TSGA10: variants seen among roughly 807,000 people sequenced by gnomAD.
TSGA10 encodes the protein testis specific 10, also known as testis-specific gene 10 protein.
TSGA10 carries 43 observed loss-of-function variants against 96.6 expected under a neutral mutation model. The ratio of observed to expected loss-of-function variants is 0.44; its 90% CI spans 0.35 to 0.57. The LOEUF is 0.57. TSGA10 is among the 20% of genes least tolerant of loss of function. The probability of loss-of-function intolerance (pLI) is 0.01; values close to 1 mark genes in which losing one functional copy is unlikely to be tolerated. For synonymous variants in TSGA10, 229 were observed against 269.9 expected (o/e 0.85, Z 1.48); for missense variants, 703 against 834.4 (o/e 0.84, Z 1.94).
chr2:99,035,813 G>C (rs886990219), intron 16 of TSGA10, among the ~76,000 whole-genome samples: 1 of 151,850 alleles, frequency 6.6e-6, no homozygotes, highest in African/African-American at 2.4e-5. Flanking sequence ...TATTGTTGTT[G>C]TTAAAAACAA....
At chr2:99,068,342 T>C (rs1355753392) in intron 15 of TSGA10, among the ~76,000 whole-genome samples, 6 of 152,216 alleles carry the variant, frequency 3.9e-5, no homozygotes, top group South Asian at 2.1e-4. Context: ...TTTTACCTAA[T>C]AGACATATCT....
intron 2 of TSGA10, among the ~76,000 whole-genome samples, chr2:99,122,953 A>T (rs572742978): frequency 6.6e-6 from 1 of 152,302 alleles, no homozygotes; most frequent in South Asian, 2.1e-4. Context: ...CTGCTGGCAC[A>T]AATTATCTTA....
chr2:99,060,288 T>C (rs2084536678), intron 16 of TSGA10, among the ~76,000 whole-genome samples: 1 of 152,080 alleles, frequency 6.6e-6, no homozygotes, highest in Non-Finnish European at 1.5e-5. Flanking sequence ...AATTCAAGAA[T>C]AAAATATCAT....
chr2:99,000,228 C>T (rs549863205), intron 20 of TSGA10, among the ~76,000 whole-genome samples: 7 of 152,074 alleles, frequency 4.6e-5, no homozygotes, highest in African/African-American at 1.7e-4. Flanking sequence ...AAAAACTAGG[C>T]CAGGTGTGGT....
At chr2:99,054,435 G>T (rs1421096426) in intron 16 of TSGA10, among the ~76,000 whole-genome samples, 1 of 152,120 alleles carries the variant, frequency 6.6e-6, no homozygotes, top group Non-Finnish European at 1.5e-5. Flanking sequence ...GAGAGGAAAT[G>T]CTTCTTGACA....
chr2:99,004,401 C>G (rs1476701603), intron 20 of TSGA10, among the ~76,000 whole-genome samples: 1 of 151,574 alleles, frequency 6.6e-6, no homozygotes, highest in Non-Finnish European at 1.5e-5. Context: ...CCTTCTGAAA[C>G]TATTCCAATC....
At chr2:99,103,756 A>AACTAG (rs1397411606) in intron 10 of TSGA10, among the ~76,000 whole-genome samples, 2 of 152,230 alleles carry the variant, frequency 1.3e-5, no homozygotes. Context: ...TAAGATTACT[A>AACTAG]GAAGTGTGAT....
At chr2:99,108,135 TATA>T (rs1171409805) in intron 7 of TSGA10, among the ~76,000 whole-genome samples, 9 of 152,156 alleles carry the variant, frequency 5.9e-5, no homozygotes, top group African/African-American at 1.9e-4. Context: ...TTTTGTTTCT[TATA>T]ATATCTTCTA....
intron 14 of TSGA10, among the ~76,000 whole-genome samples, chr2:99,069,635 CAATAAATAAATA>C (rs3069288): frequency 1.4e-5 from 2 of 145,838 alleles, no homozygotes; most frequent in Admixed American, 6.9e-5. Context: ...CCCAACTCTA[CAATAAATAAATA>C]AATAAATAAA....
At chr2:99,102,606 T>C in intron 10 of TSGA10, 1 of 1,614,116 alleles carries the variant, frequency 6.2e-7, no homozygotes, top group Non-Finnish European at 8.5e-7. Flanking sequence ...ACATGCTCAG[T>C]TTATTACAAC....
At chr2:99,029,880 G>A (rs1038403026) in intron 17 of TSGA10, among the ~76,000 whole-genome samples, 4 of 152,126 alleles carry the variant, frequency 2.6e-5, no homozygotes, top group African/African-American at 4.8e-5. Flanking sequence ...GCTTAAGTAC[G>A]AAACAGTGCA....
intron 16 of TSGA10, among the ~76,000 whole-genome samples, chr2:99,036,717 A>C (rs2081659959): frequency 6.6e-6 from 1 of 152,112 alleles, no homozygotes; most frequent in South Asian, 2.1e-4. Context: ...AATTAAGACA[A>C]ATGGTCAGAG....
At chr2:99,040,307 T>C (rs988020391) in intron 16 of TSGA10, among the ~76,000 whole-genome samples, 10 of 152,102 alleles carry the variant, frequency 6.6e-5, no homozygotes, top group African/African-American at 1.7e-4. Flanking sequence ...GGCACCCAAA[T>C]TGGTAAAGAG....
In TSGA10 at chr2:99,065,547, G is replaced by A. The variant is rs534047133; in HGVS notation, c.1219-423C>T. On this transcript the variant is annotated intron_variant, in intron 15 of 20. Transcript: ENST00000393483. ...GTTCTTGACCAATTTACCGGGCTGT[G>A]CTGGCTACAGAGCTTCTGAGTACTT... Among the ~76,000 whole-genome samples, 7 of 152,272 alleles carry A rather than the reference G, an allele frequency of 4.6e-5. No individual in the cohort carries two copies. The South Asian group carries it at 8.3e-4, about 18-fold the overall frequency.
intron 16 of TSGA10, among the ~76,000 whole-genome samples, chr2:99,048,982 C>T (rs2083093773): frequency 6.6e-6 from 1 of 152,148 alleles, no homozygotes. Flanking sequence ...TGAAAAAAAG[C>T]TCATCATCAC....
chr2:99,102,564 G>A (rs544929266), intron 10 of TSGA10: 1 of 1,614,000 alleles, frequency 6.2e-7, no homozygotes, highest in Non-Finnish European at 8.5e-7. Flanking sequence ...GCACAGAAAG[G>A]CTGTGTCAGA....
At chr2:99,062,560 A>T (rs1257492449) in intron 16 of TSGA10, among the ~76,000 whole-genome samples, 1 of 151,962 alleles carries the variant, frequency 6.6e-6, no homozygotes, top group Admixed American at 6.6e-5. Flanking sequence ...ATATAGTAAG[A>T]CTCCATTGCT....
intron 12 of TSGA10, 59 bp downstream of exon 12, chr2:99,078,600 G>T: frequency 6.7e-7 from 1 of 1,490,530 alleles, no homozygotes. Context: ...TTAAACCATA[G>T]TTTAACATTT....
chr2:99,139,014 C>A (rs1388555104), intron 1 of TSGA10, among the ~76,000 whole-genome samples: 1 of 152,202 alleles, frequency 6.6e-6, no homozygotes, highest in Non-Finnish European at 1.5e-5. Context: ...AATCCCAACA[C>A]TTTGGGAGGC....
Sources: allele counts gnomAD v4.1 joint callset (sites outside exome capture counted in the v4.1 genomes callset), GRCh38; gene constraint gnomAD v4.1.1; transcripts MANE v1.5; gene names NCBI Gene and HGNC (gene_info 2026-07-23, HGNC 2026-07-21).